CORO7: variants seen among roughly 807,000 people sequenced by gnomAD.
CORO7 encodes coronin-7.
In CORO7, 107 loss-of-function variants were observed where a neutral mutation model predicts 126.6. The observed-to-expected ratio is 0.85, with a 90% CI of 0.72 to 0.99. The LOEUF is 0.99. CORO7 is among the 50% of genes least tolerant of loss of function. The pLI, the probability that CORO7 is intolerant of heterozygous loss-of-function variation, is 0.00. For synonymous variants in CORO7, 603 were observed against 536.8 expected (o/e 1.12, Z -1.70); for missense variants, 1,314 against 1,255.8 (o/e 1.05, Z -0.70).
rs373206412 is a variant in CORO7, at chr16:4,407,683, A to G, written c.305T>C (p.Val102Ala). The G allele has an allele frequency of 3.2e-6, 5 of 1,582,772 alleles. No homozygotes were observed. The South Asian group carries it at 3.4e-5, about 11-fold the overall frequency. ...LLATGSADRT[V>A]KLWRLPGPGQ... The stretch of plus-strand genomic sequence containing the variant: ...AGGCCCTGGCAGTCGCCAGAGTTTT[A>G]CCTGCAAGAAAGACCAAGTCCGTGA... Residue 102 changes from valine to alanine, a missense_variant and splice_region_variant, in exon 5 of 28, where the codon GTA (valine) becomes GCA (alanine). Physicochemically the swap from Val to Ala is moderately conservative, Grantham distance 64. Transcript: ENST00000251166.
rs141195975 is a variant in CORO7 at position 4,356,754 on chromosome 16, C to T, written c.2685+414G>A. 1.5e-3 allele frequency: 318 copies of T among 216,312 alleles called. 1 individual carries two copies. The highest frequency in any genetic ancestry group is 1.4e-3 in the Non-Finnish European group (153 of 105,716). 13.4% of individuals were successfully genotyped at this position (216,312 alleles called of 1,614,324 possible). Reference sequence around the variant, plus strand: ...GGCCTCAAAAGAGCCATTTTAATTACAGCCCTGACAAAATCGATGGGTTTC... The same window carrying T: ...GGCCTCAAAAGAGCCATTTTAATTATAGCCCTGACAAAATCGATGGGTTTC... On this transcript the variant is annotated intron_variant, in intron 26 of 27. Transcript: ENST00000251166.
intron 9 of CORO7, chr16:4,380,722 C>T (rs927316911): frequency 5.5e-5 from 46 of 840,372 alleles, no homozygotes; most frequent in South Asian, 9.4e-5. Flanking sequence ...GAACCTGGGT[C>T]GGGGCACTGG....
chr16:4,404,257 G>C (rs575479366), intron 6 of CORO7, among the ~76,000 whole-genome samples: 1 of 152,302 alleles, frequency 6.6e-6, no homozygotes, highest in South Asian at 2.1e-4. Context: ...TGTGTCTTCA[G>C]GCTCGGCACA....
intron 9 of CORO7, among the ~76,000 whole-genome samples, chr16:4,386,315 A>C (rs1474940246): frequency 6.6e-6 from 1 of 152,332 alleles, no homozygotes; most frequent in African/African-American, 2.4e-5. Context: ...ACTCCTCCAG[A>C]GGCCACACTG....
At chr16:4,388,421 C>CCG in intron 8 of CORO7, 124 bp downstream of exon 8, 2 of 1,078,534 alleles carry the variant, frequency 1.9e-6, no homozygotes, top group Non-Finnish European at 2.7e-6. Context: ...CACAGCCAGG[C>CCG]CGTATATGGA....
rs1454643279 is a variant in CORO7, at chr16:4,403,024, G to A, written c.564+2467C>T. Among the ~76,000 whole-genome samples, 4 of 152,104 alleles carry A rather than the reference G, an allele frequency of 2.6e-5. 1 individual carries two copies. The highest frequency in any genetic ancestry group is 4.1e-4 in the South Asian group (2 of 4,824). On this transcript the variant is annotated intron_variant, in intron 6 of 27. Coordinates refer to ENST00000251166, the MANE Select transcript of CORO7 (RefSeq NM_024535.5). ...TTCCCCGCCAGGAAGGAGATGGGGC[G>A]GGGGTGGGGGCACACTCTGGTGGAA...
At chr16:4,387,624 G>T in intron 9 of CORO7, 1 of 195,866 alleles carries the variant, frequency 5.1e-6, no homozygotes, top group Non-Finnish European at 1.0e-5. Flanking sequence ...GAGCCTCCCT[G>T]GGCCTCAGCC....
rs112465919 is a variant in CORO7, at chr16:4,385,779, G to T, written c.785+2207C>A. Among the ~76,000 whole-genome samples the T allele has an allele frequency of 3.1e-3, 467 of 152,330 alleles. 5 individuals carry two copies. The highest frequency in any genetic ancestry group is 0.011 in the African/African-American group (445 of 41,560). On this transcript the variant is annotated intron_variant, in intron 9 of 27. Coordinates refer to ENST00000251166, the MANE Select transcript of CORO7 (RefSeq NM_024535.5). ...GGGCATAGGTGGGACCACAGCGGAG[G>T]CCCCTGGGTGAGGATGAGGAGGGGA...
intron 9 of CORO7, among the ~76,000 whole-genome samples, chr16:4,368,314 T>C (rs1306178055): frequency 6.6e-6 from 1 of 151,788 alleles, no homozygotes; most frequent in Non-Finnish European, 1.5e-5. Context: ...ACCAATGCAT[T>C]CCAGCCTGGG....
At chr16:4,377,660 G>A (rs1567268275) in intron 9 of CORO7, among the ~76,000 whole-genome samples, 1 of 152,152 alleles carries the variant, frequency 6.6e-6, no homozygotes, top group African/African-American at 2.4e-5. Context: ...TTCCTCTCGG[G>A]GCTGGCTGAT....
At position 4,357,961 on chromosome 16, in the gene CORO7, G is replaced by T. The variant is rs200635962; in HGVS notation, c.2593+7C>A. On this transcript the variant is annotated splice_region_variant and intron_variant, in intron 25 of 27. Coordinates refer to ENST00000251166, the MANE Select transcript of CORO7 (RefSeq NM_024535.5). ...GCTTCCTCCCCACACCCAGTCCCTC[G>T]GTGCACCTGGGCTCATGTCAGGAGG... 1 of 1,592,418 alleles carries T rather than the reference G, an allele frequency of 6.3e-7. No homozygotes were observed. Among genetic ancestry groups the T allele is most frequent in the East Asian group, 2.3e-5 (1 of 44,264 alleles).
rs762249901 is a variant in CORO7 at position 4,388,064 on chromosome 16, C to A, written c.707G>T (p.Arg236Leu). The A allele has an allele frequency of 7.4e-6, 12 of 1,612,206 alleles. No individual in the cohort carries two copies. The South Asian group carries it at 1.3e-4, about 18-fold the overall frequency. Reference sequence around the variant, plus strand: ...GTCCCACAGCTTCACTTCGCGCTCACGCATCTGCAGGGAGGGCGAGAGAGG... The same window carrying A: ...GTCCCACAGCTTCACTTCGCGCTCAAGCATCTGCAGGGAGGGCGAGAGAGG... ...HLVSTGFNQM[R>L]EREVKLWDTR... The change falls in exon 9 of 28, where the codon CGT becomes CTT. Residue 236 changes from arginine to leucine, a missense_variant. Physicochemically the swap from Arg to Leu is moderately radical, Grantham distance 102. Transcript: ENST00000251166.
chr16:4,381,743 G>T, intron 9 of CORO7: 2 of 1,604,152 alleles, frequency 1.2e-6, no homozygotes, highest in Non-Finnish European at 8.5e-7. Context: ...CTCTTCCCCC[G>T]CCTGCGGCTG....
chr16:4,382,406 C>G (rs377530491), intron 9 of CORO7: 2 of 1,611,704 alleles, frequency 1.2e-6, no homozygotes, highest in Non-Finnish European at 1.7e-6. Flanking sequence ...CGGCTGGTGA[C>G]GCTGCGACTG....
chr16:4,380,925 C>T (rs1341506593), intron 9 of CORO7: 4 of 1,581,160 alleles, frequency 2.5e-6, no homozygotes, highest in African/African-American at 2.7e-5. Flanking sequence ...TGCTACTGGC[C>T]CTGGGGCCTG....
intron 6 of CORO7, among the ~76,000 whole-genome samples, chr16:4,398,602 G>T (rs537335319): frequency 3.4e-4 from 51 of 151,528 alleles, no homozygotes; most frequent in African/African-American, 1.1e-3. Context: ...GGAGGTGGAG[G>T]TTGCAGTGAA....
At position 4,370,728 on chromosome 16, in the gene CORO7, A is replaced by G. The variant is rs961548703; in HGVS notation, c.786-5183T>C. ...CCCTTGACGGCTAGACACAGAGGCC[A>G]TCCTGCCTTCTGGAGATAACTGAGT... On this transcript the variant is annotated intron_variant, in intron 9 of 27. Coordinates refer to ENST00000251166, the MANE Select transcript of CORO7 (RefSeq NM_024535.5). Among the ~76,000 whole-genome samples, 8 of 152,216 alleles carry G rather than the reference A, an allele frequency of 5.3e-5. 1 individual carries two copies. Among genetic ancestry groups the G allele is most frequent in the Admixed American group, 5.2e-4 (8 of 15,288 alleles).
chr16:4,407,779 G>C, intron 4 of CORO7, 95 bp from the exon 5 acceptor site: 1 of 1,412,056 alleles, frequency 7.1e-7, no homozygotes. Flanking sequence ...GTTGGAACTA[G>C]GCTGCTCCAG....
intron 26 of CORO7, chr16:4,356,825 G>C (rs1427515696): frequency 3.2e-6 from 1 of 312,086 alleles, no homozygotes; most frequent in Non-Finnish European, 6.1e-6. Flanking sequence ...AAGAGACTGA[G>C]AGGCTGCGGC....
Sources: allele counts gnomAD v4.1 joint callset (sites outside exome capture counted in the v4.1 genomes callset), GRCh38; gene constraint gnomAD v4.1.1; transcripts MANE v1.5; gene names NCBI Gene and HGNC (gene_info 2026-07-23, HGNC 2026-07-21).